IGF1R: variants seen among roughly 807,000 people sequenced by gnomAD.
IGF1R encodes insulin-like growth factor 1 receptor.
IGF1R carries 44 observed loss-of-function variants against 144.6 expected under a neutral mutation model. The ratio of observed to expected loss-of-function variants is 0.30; its 90% CI spans 0.24 to 0.39. The LOEUF (loss-of-function observed/expected upper bound fraction) is 0.39. IGF1R is among the 10% of genes least tolerant of loss of function. The pLI is 1.00. For synonymous variants in IGF1R, 795 were observed against 722.8 expected, an observed-to-expected ratio of 1.10 and a Z score of -1.60; for missense variants, 1,355 against 1,833.7, an observed-to-expected ratio of 0.74 and a Z score of 4.77.
intron 5 of IGF1R, among the ~76,000 whole-genome samples, chr15:98,900,120 T>C (rs375578344): frequency 1.3e-5 from 2 of 152,200 alleles, no homozygotes; most frequent in South Asian, 2.1e-4. Context: ...CGAGATGGTT[T>C]TTATTGATTA....
intron 2 of IGF1R, among the ~76,000 whole-genome samples, chr15:98,812,779 TAC>T (rs558217203): frequency 2.2e-3 from 337 of 152,366 alleles, no homozygotes; most frequent in African/African-American, 7.7e-3. Context: ...TGGAATTTCT[TAC>T]GTATTAATAT....
In IGF1R at chr15:98,933,551, G is replaced by T. The variant is rs1463483238; in HGVS notation, c.2957-1273G>T. Reference sequence around the variant, plus strand: ...AGTGTTTTGCCATGTTGCCCAGGCTGGTCTCAAATTCCTGGGCTCAAGCGA... The same window carrying T: ...AGTGTTTTGCCATGTTGCCCAGGCTTGTCTCAAATTCCTGGGCTCAAGCGA... On this transcript the variant is annotated intron_variant, in intron 15 of 20. Transcript: ENST00000650285. Among the ~76,000 whole-genome samples the T allele has an allele frequency of 2.0e-5, 3 of 152,088 alleles. No homozygotes were observed. The East Asian group carries it at 5.8e-4, about 29-fold the overall frequency.
At chr15:98,743,566 A>G (rs2054796658) in intron 2 of IGF1R, among the ~76,000 whole-genome samples, 1 of 152,182 alleles carries the variant, frequency 6.6e-6, no homozygotes, top group Admixed American at 6.5e-5. Flanking sequence ...GAAGGAAAAG[A>G]AATAATGTGG....
Position 98,728,007 on chromosome 15 carries a change from G to GTTTTT in IGF1R, c.640+19918_640+19922dup, listed in dbSNP as rs10680958. Among the ~76,000 whole-genome samples the GTTTTT allele has an allele frequency of 9.7e-3, 1,059 of 108,702 alleles. 43 individuals carry two copies. The highest frequency in any genetic ancestry group is 0.014 in the Non-Finnish European group (799 of 56,408). 71.3% of individuals were successfully genotyped at this position (108,702 alleles called of 152,430 possible). ...CCACTGTACTCACTGAAGATGCATT[G>GTTTTT]TTTTTTTTTTTTTTTTTTTTTTAAG... On this transcript the variant is annotated intron_variant, in intron 2 of 20. Coordinates refer to ENST00000650285, the MANE Select transcript of IGF1R (RefSeq NM_000875.5).
chr15:98,911,637 A>G (rs2015025053), intron 7 of IGF1R, among the ~76,000 whole-genome samples, 196 bp downstream of exon 7: 1 of 152,200 alleles, frequency 6.6e-6, no homozygotes, highest in Admixed American at 6.5e-5. Context: ...AGCCAGTGAC[A>G]GCCATGATTG....
chr15:98,692,252 C>T (rs1231015454), intron 1 of IGF1R, among the ~76,000 whole-genome samples: 2 of 152,144 alleles, frequency 1.3e-5, no homozygotes, highest in African/African-American at 4.8e-5. Flanking sequence ...GTGGGAGTAT[C>T]ACTTGAGCCC....
At chr15:98,712,343 G>T (rs1464824250) in intron 2 of IGF1R, among the ~76,000 whole-genome samples, 1 of 152,130 alleles carries the variant, frequency 6.6e-6, no homozygotes, top group Non-Finnish European at 1.5e-5. Context: ...GGTCTTCCCT[G>T]TTTCCTCACT....
intron 2 of IGF1R, among the ~76,000 whole-genome samples, chr15:98,879,316 C>T (rs1444318340): frequency 6.6e-6 from 1 of 152,054 alleles, no homozygotes; most frequent in Non-Finnish European, 1.5e-5. Flanking sequence ...AGTAGAAGGC[C>T]AAATTCCGCC....
In IGF1R at chr15:98,959,767, C is replaced by T. The variant is rs2017150208; in HGVS notation, c.*2325C>T. On this transcript the variant is annotated 3_prime_UTR_variant, in exon 21 of 21. Transcript: ENST00000650285. The stretch of plus-strand genomic sequence containing the variant: ...GCTAGTTGTGACTGAAGATTCAACA[C>T]AGAAAAGAAAGTTTATACGGCTTTT... 4.3e-6 allele frequency: 1 copy of T among 232,744 alleles called. No homozygotes were observed. Among genetic ancestry groups the T allele is most frequent in the East Asian group, 6.0e-5 (1 of 16,550 alleles). The allele number at this position is 232,744 out of a possible 1,614,324, so 14.4% of individuals were successfully genotyped here.
chr15:98,836,644 A>C (rs1008626949), intron 2 of IGF1R, among the ~76,000 whole-genome samples: 5 of 152,246 alleles, frequency 3.3e-5, no homozygotes, highest in African/African-American at 1.2e-4. Context: ...ACTGTTAACC[A>C]TGGACTATTT....
intron 2 of IGF1R, among the ~76,000 whole-genome samples, chr15:98,755,610 A>G (rs1437174991): frequency 6.7e-6 from 1 of 149,068 alleles, no homozygotes; most frequent in African/African-American, 2.5e-5. Context: ...GCGTGGTGGC[A>G]GTGGAGGCTG....
chr15:98,756,251 T>G (rs1040660096), intron 2 of IGF1R, among the ~76,000 whole-genome samples: 130 of 18,976 alleles, frequency 6.9e-3, no homozygotes, highest in Non-Finnish European at 0.021. Context: ...AATAACCTGT[T>G]TTTTTTTTTT....
intron 3 of IGF1R, among the ~76,000 whole-genome samples, chr15:98,892,522 G>A: frequency 1.0e-5 from 1 of 100,092 alleles, no homozygotes; most frequent in African/African-American, 4.6e-5. Context: ...GTCTCACTCT[G>A]TCTCCAAAAA....
intron 2 of IGF1R, among the ~76,000 whole-genome samples, chr15:98,886,768 T>C (rs575084890): frequency 6.6e-6 from 1 of 152,108 alleles, no homozygotes; most frequent in African/African-American, 2.4e-5. Context: ...ACTAATAATA[T>C]TTATATACAT....
intron 2 of IGF1R, among the ~76,000 whole-genome samples, chr15:98,870,766 A>G (rs894035737): frequency 1.3e-5 from 2 of 152,190 alleles, no homozygotes; most frequent in South Asian, 2.1e-4. Context: ...AGTGAATGCA[A>G]CTTCCTTGAT....
At chr15:98,949,658 A>G (rs1171189477) in intron 20 of IGF1R, among the ~76,000 whole-genome samples, 1 of 152,226 alleles carries the variant, frequency 6.6e-6, no homozygotes, top group Non-Finnish European at 1.5e-5. Flanking sequence ...GGCATGAGCC[A>G]TCGCACCTGG....
Position 98,963,569 on chromosome 15 carries a change from A to G in IGF1R, c.*6127A>G, listed in dbSNP as rs1596503372. The G allele has an allele frequency of 4.3e-6, 1 of 233,272 alleles. No individual in the cohort carries two copies. Among genetic ancestry groups the G allele is most frequent in the Admixed American group, 5.6e-5 (1 of 17,796 alleles). 14.5% of individuals were successfully genotyped at this position (233,272 alleles called of 1,614,324 possible). On this transcript the variant is annotated 3_prime_UTR_variant, in exon 21 of 21. Coordinates refer to ENST00000650285, the MANE Select transcript of IGF1R (RefSeq NM_000875.5). ...TGGCTTGATTGGTCTGGCTGCCGTC[A>G]TTGTCAGCACAGTGCCATGGACATG...
intron 15 of IGF1R, among the ~76,000 whole-genome samples, chr15:98,930,771 C>T (rs191269443): frequency 6.6e-6 from 1 of 152,106 alleles, no homozygotes; most frequent in Non-Finnish European, 1.5e-5. Context: ...TCTGTCATTC[C>T]CTTCCGACTA....
At chr15:98,841,405 T>C (rs2011172148) in intron 2 of IGF1R, among the ~76,000 whole-genome samples, 1 of 152,226 alleles carries the variant, frequency 6.6e-6, no homozygotes, top group South Asian at 2.1e-4. Context: ...GAAAACTGAG[T>C]TACTATACGT....
Sources: allele counts gnomAD v4.1 joint callset (sites outside exome capture counted in the v4.1 genomes callset), GRCh38; gene constraint gnomAD v4.1.1; transcripts MANE v1.5; gene names NCBI Gene and HGNC (gene_info 2026-07-23, HGNC 2026-07-21).